PDE2A: variants seen among roughly 807,000 people sequenced by gnomAD.
PDE2A encodes cGMP-dependent 3',5'-cyclic phosphodiesterase.
PDE2A carries 53 observed loss-of-function variants against 133.6 expected under a neutral mutation model. The observed-to-expected ratio is 0.40, with a 90% CI of 0.32 to 0.50. PDE2A has a LOEUF of 0.50. Among genes scored for constraint, PDE2A ranks in the 20% least tolerant of loss-of-function variants. PDE2A has a pLI of 0.73. For synonymous variants in PDE2A, 491 were observed against 490.2 expected (o/e 1.00, Z -0.02); for missense variants, 796 against 1,232.4 (o/e 0.65, Z 5.30).
intron 2 of PDE2A, among the ~76,000 whole-genome samples, chr11:72,619,679 G>A (rs1266841246): frequency 3.9e-5 from 6 of 152,154 alleles, no homozygotes; most frequent in Non-Finnish European, 5.9e-5. Context: ...ATGCGCTGGT[G>A]GTTAGTCTTG....
At chr11:72,580,849 A>G in intron 24 of PDE2A, 37 bp downstream of exon 24, 1 of 1,299,544 alleles carries the variant, frequency 7.7e-7, no homozygotes, top group South Asian at 1.2e-5. Flanking sequence ...CAGACACCCC[A>G]TGGAGGGTCC....
chr11:72,579,507 T>TGCCCCCCCCCCCCC, intron 26 of PDE2A, 27 bp downstream of exon 26: 1 of 1,354,172 alleles, frequency 7.4e-7, no homozygotes, highest in Non-Finnish European at 1.0e-6. Flanking sequence ...TCCCCCTCAA[T>TGCCCCCCCCCCCCC]CCCCACCCCA....
At chr11:72,667,694 G>A (rs1855275793) in intron 1 of PDE2A, among the ~76,000 whole-genome samples, 4 of 152,108 alleles carry the variant, frequency 2.6e-5, no homozygotes, top group Non-Finnish European at 4.4e-5. Flanking sequence ...TCCTCAGCCT[G>A]AGGCAGAGAG....
chr11:72,581,354 C>A lies in PDE2A; in HGVS notation c.2045+3G>T. ...CAGATGTGGGGGAGATGCAGCCACT[C>A]ACTCGAGGTAGTTGGTGAGCTCCAG... is the stretch of plus-strand genomic sequence containing the variant. On this transcript the variant is annotated splice_donor_region_variant and intron_variant, in intron 23 of 30. Transcript: ENST00000334456. 1 of 1,612,902 alleles carries A rather than the reference C, an allele frequency of 6.2e-7. No individual in the cohort carries two copies. Among genetic ancestry groups the A allele is most frequent in the South Asian group, 1.1e-5 (1 of 90,438 alleles).
chr11:72,579,687 G>T (rs1264620738), intron 25 of PDE2A, 79 bp from the exon 26 acceptor site: 2 of 967,668 alleles, frequency 2.1e-6, no homozygotes, highest in East Asian at 2.4e-5. Context: ...GGAAGCAGGG[G>T]CCTCGTCCAG....
intron 13 of PDE2A, among the ~76,000 whole-genome samples, chr11:72,588,416 A>G (rs1190685876): frequency 6.6e-6 from 1 of 152,120 alleles, no homozygotes; most frequent in Non-Finnish European, 1.5e-5. Context: ...GTCCCCAAGC[A>G]TATTCCCTTT....
intron 2 of PDE2A, among the ~76,000 whole-genome samples, chr11:72,629,977 G>A (rs1858292222): frequency 1.3e-5 from 2 of 152,206 alleles, no homozygotes; most frequent in South Asian, 4.2e-4. Flanking sequence ...TGTTCTGGCT[G>A]TGGGTCCAGT....
intron 2 of PDE2A, among the ~76,000 whole-genome samples, chr11:72,633,299 C>T (rs775889338): frequency 1.5e-4 from 23 of 152,208 alleles, no homozygotes; most frequent in Non-Finnish European, 2.8e-4. Context: ...CATTGTCCCA[C>T]GTCCTGTGGG....
chr11:72,579,028 G>A lies in PDE2A; in HGVS notation c.2357-19C>T, dbSNP rs1215343232. The A allele has an allele frequency of 6.4e-7, 1 of 1,552,520 alleles. No individual in the cohort carries two copies. The highest frequency in any genetic ancestry group is 1.1e-5 in the South Asian group (1 of 89,654). Reference sequence around the variant, plus strand: ...TAGCCCACTGTTGAGGGGAGGATGGGGTCAAGGAGCGGGGCCCAGCCTCTT... The same window carrying A: ...TAGCCCACTGTTGAGGGGAGGATGGAGTCAAGGAGCGGGGCCCAGCCTCTT... On this transcript the variant is annotated intron_variant, in intron 27 of 30. Transcript: ENST00000334456.
rs200284582 is a variant in PDE2A at position 72,581,359 on chromosome 11, G to A, written c.2043C>T (p.Leu681=). Residue 681 remains leucine, a splice_region_variant and synonymous_variant, in exon 23 of 31, where the codon CTC becomes CTT. Transcript: ENST00000334456. ...GTGGGGGAGATGCAGCCACTCACTC[G>A]AGGTAGTTGGTGAGCTCCAGGTTCT... ...LYKNLELTNY[L]EDIEIFALFI... 7.4e-6 allele frequency: 12 copies of A among 1,612,920 alleles called. No individual in the cohort carries two copies. Among genetic ancestry groups the A allele is most frequent in the African/African-American group, 2.7e-5 (2 of 74,930 alleles).
chr11:72,642,396 C>T (rs1476454872), intron 1 of PDE2A, 70 bp from the exon 2 acceptor site: 16 of 1,291,556 alleles, frequency 1.2e-5, no homozygotes, highest in Non-Finnish European at 1.6e-5. Flanking sequence ...CGCCCGCCCG[C>T]CCGCCGGCCC....
rs536266825 is a variant in PDE2A, at chr11:72,584,022, G to A, written c.1650+179C>T. Among the ~76,000 whole-genome samples, 7 of 152,330 alleles carry A rather than the reference G, an allele frequency of 4.6e-5. No individual in the cohort carries two copies. The East Asian group carries it at 1.4e-3, about 29-fold the overall frequency. On this transcript the variant is annotated intron_variant, in intron 19 of 30. Transcript: ENST00000334456. ...GAAATCGTATGCCCAATTTTTAGAT[G>A]GGAAACTGAGCCCAGAGGTGGCCAG...
intron 15 of PDE2A, 33 bp from the exon 16 acceptor site, chr11:72,585,467 C>A (rs1008049817): frequency 1.9e-6 from 3 of 1,610,610 alleles, no homozygotes; most frequent in Non-Finnish European, 2.5e-6. Context: ...CAGGGTGAGA[C>A]CAGGCTGCCA....
chr11:72,585,066 T>G, intron 16 of PDE2A, 122 bp from the exon 17 acceptor site: 2 of 935,860 alleles, frequency 2.1e-6, no homozygotes, highest in Non-Finnish European at 1.7e-6. Flanking sequence ...GGTAAGACAC[T>G]CTGCTCAGGG....
chr11:72,633,523 C>T (rs893790041), intron 2 of PDE2A, among the ~76,000 whole-genome samples: 19 of 152,162 alleles, frequency 1.2e-4, no homozygotes, highest in African/African-American at 4.6e-4. Context: ...TGTGTGAGGC[C>T]TGACAGGAAG....
At chr11:72,585,912 T>C (rs570738688) in intron 14 of PDE2A, among the ~76,000 whole-genome samples, 158 bp downstream of exon 14, 1 of 152,200 alleles carries the variant, frequency 6.6e-6, no homozygotes, top group African/African-American at 2.4e-5. Context: ...GCGCGGGTCC[T>C]GAACAACTGC....
rs1444395377 is a variant in PDE2A, at chr11:72,578,441, C to T, written c.2508+35G>A. ...CCTGTCCCAGGCCAGGAACCCTCCCCCATCCTGGACATCCTGGGGTCACTC... is the reference window on the plus strand; with the variant it reads ...CCTGTCCCAGGCCAGGAACCCTCCCTCATCCTGGACATCCTGGGGTCACTC... On this transcript the variant is annotated intron_variant, in intron 29 of 30. Coordinates refer to ENST00000334456, the MANE Select transcript of PDE2A (RefSeq NM_002599.5). The surrounding 1 kb of genome is among the most constrained non-coding windows in gnomAD (Gnocchi z 4.2). The T allele has an allele frequency of 1.2e-6, 2 of 1,602,292 alleles. No homozygotes were observed. Among genetic ancestry groups the T allele is most frequent in the East Asian group, 4.5e-5 (2 of 44,820 alleles).
At chr11:72,601,693 G>A (rs1381336854) in intron 4 of PDE2A, among the ~76,000 whole-genome samples, 1 of 152,162 alleles carries the variant, frequency 6.6e-6, no homozygotes, top group Non-Finnish European at 1.5e-5. Context: ...AGGCGGCAGA[G>A]CTGGGGCCTG....
At chr11:72,612,907 C>T (rs541131531) in intron 2 of PDE2A, among the ~76,000 whole-genome samples, 37 of 152,320 alleles carry the variant, frequency 2.4e-4, no homozygotes, top group African/African-American at 8.9e-4. Flanking sequence ...CCTCTGAAGC[C>T]AGGGTTGGGG....
Sources: gnomAD v4.1 joint callset for allele counts (sites outside exome capture counted in the v4.1 genomes callset) on GRCh38, gnomAD v4.1.1 for gene constraint, Gnocchi (gnomAD v3.1) non-coding constraint, MANE v1.5 for transcripts, NCBI Gene and HGNC (gene_info 2026-07-23, HGNC 2026-07-21) for gene names.